Variants in CNTN5 observed in about 807,000 individuals in gnomAD.
CNTN5 encodes the protein contactin 5, also known as contactin-5.
Under a neutral mutation model 129.1 loss-of-function variants are expected in CNTN5, and 77 were observed. The observed-to-expected ratio is 0.60, with a 90% CI of 0.50 to 0.72. The LOEUF (loss-of-function observed/expected upper bound fraction) is 0.72, where lower values mean the gene tolerates loss of function less well. CNTN5 is among the 30% of genes least tolerant of loss of function. CNTN5 has a pLI of 0.00. For missense variants in CNTN5, 1,478 were observed against 1,328.8 expected, an observed-to-expected ratio of 1.11 and a Z score of -1.75; for synonymous variants, 509 against 465.6, an observed-to-expected ratio of 1.09 and a Z score of -1.20.
At chr11:100,272,540 GA>G (rs202175680) in intron 18 of CNTN5, among the ~76,000 whole-genome samples, 4 of 150,986 alleles carry the variant, frequency 2.6e-5, no homozygotes, top group East Asian at 1.9e-4. Context: ...GGAAAAGAAA[GA>G]AAAAAAAATC....
At chr11:99,215,925 G>A (rs1030658519) in intron 1 of CNTN5, among the ~76,000 whole-genome samples, 15 of 152,186 alleles carry the variant, frequency 9.9e-5, no homozygotes, top group African/African-American at 3.4e-4. Context: ...ATATATTCAT[G>A]CGGTGCATGT....
At chr11:99,361,475 A>T (rs1288699906) in intron 2 of CNTN5, among the ~76,000 whole-genome samples, 3 of 152,126 alleles carry the variant, frequency 2.0e-5, no homozygotes, top group African/African-American at 7.2e-5. Context: ...CTCATTTTGT[A>T]TGTGTGTGGT....
In CNTN5 at chr11:100,254,437, G is replaced by A. The variant is rs144498054; in HGVS notation, c.2006-1323G>A. 6.6e-3 allele frequency among the ~76,000 whole-genome samples: 1,004 copies of A among 152,158 alleles called. 8 individuals are homozygous for A. Among genetic ancestry groups the A allele is most frequent in the African/African-American group, 0.023 (946 of 41,526 alleles). The stretch of plus-strand genomic sequence containing the variant: ...TTTTGCTTCCTTCATTTATCTTAGA[G>A]GAAAAAATTGTCATTTCTTCTCAAG... On this transcript the variant is annotated intron_variant, in intron 16 of 24. Transcript: ENST00000524871.
intron 1 of CNTN5, among the ~76,000 whole-genome samples, chr11:99,034,343 G>A (rs1461609259): frequency 1.3e-5 from 2 of 151,840 alleles, no homozygotes; most frequent in African/African-American, 4.8e-5. Flanking sequence ...CAGAAGGAAT[G>A]GTACCAGTTC....
chr11:99,828,818 A>G (rs1947049128), intron 4 of CNTN5, among the ~76,000 whole-genome samples: 2 of 152,176 alleles, frequency 1.3e-5, no homozygotes, highest in Non-Finnish European at 2.9e-5. Flanking sequence ...TTAGTCACAG[A>G]TATTAAATTT....
chr11:99,584,563 A>T (rs1245778621), intron 3 of CNTN5, among the ~76,000 whole-genome samples: 1 of 152,254 alleles, frequency 6.6e-6, no homozygotes, highest in Non-Finnish European at 1.5e-5. Context: ...TATTAAATAA[A>T]ATATTAAATC....
chr11:99,849,128 G>A (rs1191911395), intron 6 of CNTN5, among the ~76,000 whole-genome samples: 1 of 151,612 alleles, frequency 6.6e-6, no homozygotes, highest in African/African-American at 2.4e-5. Flanking sequence ...ATACTTAATT[G>A]AAGAATTAAG....
chr11:99,179,179 C>T (rs1334132649), intron 1 of CNTN5, among the ~76,000 whole-genome samples: 2 of 152,096 alleles, frequency 1.3e-5, no homozygotes, highest in Non-Finnish European at 2.9e-5. Flanking sequence ...CAGTGACTCA[C>T]GCCTGTAATC....
At chr11:99,767,021 C>T (rs1360819252) in intron 3 of CNTN5, among the ~76,000 whole-genome samples, 4 of 152,064 alleles carry the variant, frequency 2.6e-5, no homozygotes, top group Non-Finnish European at 5.9e-5. Context: ...AATCATTCCT[C>T]GCCTTCTCTT....
rs1287148208 is a variant in CNTN5, at chr11:100,336,905, C to T, written c.2731-3558C>T. 9 of 582,170 alleles carry T rather than the reference C, an allele frequency of 1.5e-5. 1 individual carries two copies. The highest frequency in any genetic ancestry group is 3.7e-5 in the South Asian group (2 of 53,416). The allele number at this position is 582,170 out of a possible 1,614,324, so 36.1% of individuals were successfully genotyped here. A position where few individuals can be genotyped will look rare whatever the true frequency, so the allele number is the denominator to read the frequency against. ...CTATAGCAGCAACTCATAGGGCAGC[C>T]GGTGAATACATGCAGTCCCCGGTAG... On this transcript the variant is annotated intron_variant, in intron 21 of 24. Transcript: ENST00000524871.
chr11:99,852,354 A>T (rs1208733508), intron 6 of CNTN5, among the ~76,000 whole-genome samples: 3 of 152,244 alleles, frequency 2.0e-5, no homozygotes, highest in South Asian at 2.1e-4. Flanking sequence ...TTACTTTAAA[A>T]TACTGTATAG....
In CNTN5 at chr11:99,763,137, AAT is replaced by A. The variant is rs1476270878; in HGVS notation, c.56-56406_56-56405del. On this transcript the variant is annotated intron_variant, in intron 3 of 24. Coordinates refer to ENST00000524871, the MANE Select transcript of CNTN5 (RefSeq NM_014361.4). ...TATTCATATACTTTACTGTATCAACAATGTTTTCTCTGAATTTTTCATATTTA... is the reference window on the plus strand; with the variant it reads ...TATTCATATACTTTACTGTATCAACAGTTTTCTCTGAATTTTTCATATTTA... 2.7e-4 allele frequency among the ~76,000 whole-genome samples: 13 copies of A among 48,844 alleles called. No homozygotes were observed. The East Asian group carries it at 4.0e-3, about 15-fold the overall frequency. 32.0% of individuals were successfully genotyped at this position (48,844 alleles called of 152,430 possible).
intron 7 of CNTN5, among the ~76,000 whole-genome samples, chr11:99,952,726 ATT>A (rs1163058766): frequency 1.3e-5 from 2 of 152,156 alleles, no homozygotes; most frequent in African/African-American, 2.4e-5. Context: ...TAAAGAACAA[ATT>A]ATAAATATGA....
chr11:99,885,576 G>A (rs1374384275), intron 6 of CNTN5, among the ~76,000 whole-genome samples: 1 of 152,072 alleles, frequency 6.6e-6, no homozygotes, highest in Non-Finnish European at 1.5e-5. Flanking sequence ...TTTTATCTCA[G>A]GCAAAAATAA....
chr11:99,803,646 C>T (rs117240229), intron 3 of CNTN5, among the ~76,000 whole-genome samples: 657 of 152,302 alleles, frequency 4.3e-3, no homozygotes, highest in Non-Finnish European at 5.8e-3. Context: ...AGATCCTCTC[C>T]GTAAATTAGC....
chr11:99,463,443 G>GAAA (rs66933434), intron 2 of CNTN5, among the ~76,000 whole-genome samples: 66,480 of 126,628 alleles, frequency 0.53, 19,547 homozygotes, highest in Admixed American at 0.66. Flanking sequence ...GTCTCAAAAA[G>GAAA]AAAAAAAAAA....
chr11:99,400,219 C>T (rs1941730680), intron 2 of CNTN5, among the ~76,000 whole-genome samples: 1 of 151,936 alleles, frequency 6.6e-6, no homozygotes, highest in South Asian at 2.1e-4. Flanking sequence ...TCTCTATCTC[C>T]AAGGGTTCAA....
intron 2 of CNTN5, among the ~76,000 whole-genome samples, chr11:99,340,867 C>T (rs1338225806): frequency 1.3e-5 from 2 of 151,994 alleles, no homozygotes; most frequent in East Asian, 3.9e-4. Flanking sequence ...AAATATAATT[C>T]CATTGATTTT....
intron 18 of CNTN5, among the ~76,000 whole-genome samples, chr11:100,296,605 A>G (rs923438020): frequency 2.0e-5 from 3 of 151,550 alleles, no homozygotes; most frequent in African/African-American, 7.2e-5. Context: ...TGACAAAGGA[A>G]GGTTATTTAT....
Sources: gnomAD v4.1 joint callset for allele counts (sites outside exome capture counted in the v4.1 genomes callset) on GRCh38, gnomAD v4.1.1 for gene constraint, MANE v1.5 for transcripts, NCBI Gene and HGNC (gene_info 2026-07-23, HGNC 2026-07-21) for gene names.